Variants in SEPTIN2 observed in about 807,000 individuals in gnomAD.
SEPTIN2 encodes the protein septin 2.
SEPTIN2 carries 34 observed loss-of-function variants against 46.5 expected under a neutral mutation model. That is an observed-to-expected ratio of 0.73 (90% CI 0.56 to 0.97). The LOEUF (loss-of-function observed/expected upper bound fraction) is 0.97. Among genes scored for constraint, SEPTIN2 ranks in the 50% least tolerant of loss-of-function variants. The probability of loss-of-function intolerance (pLI) is 0.00; values close to 1 mark genes in which losing one functional copy is unlikely to be tolerated. For synonymous variants in SEPTIN2, 175 were observed against 153.4 expected, an observed-to-expected ratio of 1.14 and a Z score of -1.04; for missense variants, 347 against 448.4, an observed-to-expected ratio of 0.77 and a Z score of 2.04.
At position 241,348,195 on chromosome 2, in the gene SEPTIN2, A is replaced by G; in HGVS notation, c.984+4A>G. On this transcript the variant is annotated splice_donor_region_variant and intron_variant, in intron 11 of 12. Coordinates refer to ENST00000391971, the MANE Select transcript of SEPTIN2 (RefSeq NM_004404.5). ...CTTGCTGGAAAAAGAAGCTGAGGTAAGTAGGAAAGTACTATTGGTTGGTTG... is the reference window on the plus strand; with the variant it reads ...CTTGCTGGAAAAAGAAGCTGAGGTAGGTAGGAAAGTACTATTGGTTGGTTG... The G allele has an allele frequency of 6.2e-7, 1 of 1,611,490 alleles. No homozygotes were observed. Among genetic ancestry groups the G allele is most frequent in the Non-Finnish European group, 8.5e-7 (1 of 1,178,442 alleles).
intron 7 of SEPTIN2, among the ~76,000 whole-genome samples, chr2:241,341,508 C>G (rs142342700): frequency 6.6e-6 from 1 of 152,118 alleles, no homozygotes; most frequent in Non-Finnish European, 1.5e-5. Flanking sequence ...GGAAAGGGGC[C>G]GTAAGATGAG....
chr2:241,321,512 G>T (rs2077117470), intron 1 of SEPTIN2, among the ~76,000 whole-genome samples: 1 of 151,608 alleles, frequency 6.6e-6, no homozygotes, highest in African/African-American at 2.4e-5. Flanking sequence ...TTTATTTTCA[G>T]CCTCTCTTTG....
At chr2:241,317,026 C>G (rs1228956106) in intron 1 of SEPTIN2, 1 of 153,326 alleles carries the variant, frequency 6.5e-6, no homozygotes, top group Non-Finnish European at 1.5e-5. Flanking sequence ...CGGTTGGTGT[C>G]TAGCACCTAG....
At chr2:241,343,128 C>A (rs748136825) in intron 8 of SEPTIN2, 35 bp downstream of exon 8, 1 of 1,123,136 alleles carries the variant, frequency 8.9e-7, no homozygotes, top group Non-Finnish European at 1.4e-6. Flanking sequence ...ACATAAATAA[C>A]TCCTGTTTAC....
Position 241,322,987 on chromosome 2 carries a change from C to G in SEPTIN2, c.-17-1229C>G, listed in dbSNP as rs570028992. On this transcript the variant is annotated intron_variant, in intron 1 of 12. Transcript: ENST00000391971. The stretch of plus-strand genomic sequence containing the variant: ...TATTATTGAAAATATGGAATATGTG[C>G]GTACATATATATATACAGTTGCTTT... 4.6e-5 allele frequency among the ~76,000 whole-genome samples: 7 copies of G among 151,056 alleles called. No individual in the cohort carries two copies. The East Asian group carries it at 1.4e-3, about 30-fold the overall frequency.
intron 7 of SEPTIN2, among the ~76,000 whole-genome samples, chr2:241,338,594 T>C (rs186002961): frequency 7.5e-6 from 1 of 134,206 alleles, no homozygotes; most frequent in African/African-American, 2.8e-5. Flanking sequence ...TAAAAAAATA[T>C]ATATATATAT....
chr2:241,325,937 C>T (rs1272159400), intron 2 of SEPTIN2, 56 bp from the exon 3 acceptor site: 2 of 1,524,166 alleles, frequency 1.3e-6, no homozygotes, highest in East Asian at 2.3e-5. Flanking sequence ...CTGATTATAT[C>T]TTAAAAGCAA....
chr2:241,348,058 A>G, intron 10 of SEPTIN2, 76 bp from the exon 11 acceptor site: 3 of 1,164,958 alleles, frequency 2.6e-6, no homozygotes, highest in Non-Finnish European at 3.8e-6. Context: ...TTTAAATTTT[A>G]AAGTAGAATT....
chr2:241,328,079 A>G (rs2078299005), intron 3 of SEPTIN2, among the ~76,000 whole-genome samples: 1 of 152,134 alleles, frequency 6.6e-6, no homozygotes, highest in African/African-American at 2.4e-5. Flanking sequence ...AGCCAGAACA[A>G]AGAAATTTAT....
intron 3 of SEPTIN2, among the ~76,000 whole-genome samples, chr2:241,331,068 A>G (rs1262245011): frequency 2.0e-5 from 3 of 152,216 alleles, no homozygotes; most frequent in African/African-American, 7.2e-5. Context: ...AATTTCAGCT[A>G]TGCTGGAGGC....
At chr2:241,339,307 C>T (rs897643750) in intron 7 of SEPTIN2, among the ~76,000 whole-genome samples, 2 of 150,768 alleles carry the variant, frequency 1.3e-5, no homozygotes, top group South Asian at 2.1e-4. Context: ...GCAAAAGAAT[C>T]GCTTCAACCC....
intron 10 of SEPTIN2, 78 bp downstream of exon 10, chr2:241,346,327 A>C: frequency 2.7e-6 from 3 of 1,098,386 alleles, no homozygotes; most frequent in Non-Finnish European, 4.0e-6. Flanking sequence ...TGTTCAGCTC[A>C]GCCTTCTTGA....
chr2:241,339,416 C>A (rs1299309727), intron 7 of SEPTIN2, among the ~76,000 whole-genome samples: 1 of 151,686 alleles, frequency 6.6e-6, no homozygotes, highest in Non-Finnish European at 1.5e-5. Flanking sequence ...ACAGAAAGAA[C>A]AACTGTTAAG....
chr2:241,329,011 ACT>A (rs1216498800), intron 3 of SEPTIN2, among the ~76,000 whole-genome samples: 1 of 152,016 alleles, frequency 6.6e-6, no homozygotes, highest in Non-Finnish European at 1.5e-5. Flanking sequence ...CAAGAGTGAA[ACT>A]CCATCTCTCA....
intron 3 of SEPTIN2, among the ~76,000 whole-genome samples, chr2:241,332,957 G>T (rs1051275566): frequency 6.6e-6 from 1 of 152,202 alleles, no homozygotes; most frequent in African/African-American, 2.4e-5. Flanking sequence ...TGCCTGCGGT[G>T]GGGACTGGAG....
intron 7 of SEPTIN2, among the ~76,000 whole-genome samples, chr2:241,340,324 C>T (rs187184198): frequency 6.6e-6 from 1 of 152,292 alleles, no homozygotes; most frequent in Admixed American, 6.5e-5. Flanking sequence ...TTTTTATTGA[C>T]TTAACACATA....
rs1206206967 is a variant in SEPTIN2 at position 241,353,581 on chromosome 2, G to C, written c.*1644G>C. 1 of 152,238 alleles carries C rather than the reference G, an allele frequency of 6.6e-6. No individual in the cohort carries two copies. The highest frequency in any genetic ancestry group is 2.4e-5 in the African/African-American group (1 of 41,440). The allele number at this position is 152,238 out of a possible 1,614,324, so 9.4% of individuals were successfully genotyped here. A position where few individuals can be genotyped will look rare whatever the true frequency, so the allele number is the denominator to read the frequency against. ...CTTGCTAACTTTGCCCTTCACTGTT[G>C]CTTAATTGTGAACAGCCAAAAGCTA... On this transcript the variant is annotated 3_prime_UTR_variant, in exon 13 of 13. Transcript: ENST00000391971.
intron 9 of SEPTIN2, 25 bp from the exon 10 acceptor site, chr2:241,346,141 T>G: frequency 1.3e-6 from 2 of 1,585,970 alleles, no homozygotes; most frequent in Non-Finnish European, 1.7e-6. Context: ...TGATGCCACC[T>G]TGGTGCATTC....
At chr2:241,338,802 C>CATATTATATTTATATTATATATAATAT (rs2080647502) in intron 7 of SEPTIN2, among the ~76,000 whole-genome samples, 2 of 81,260 alleles carry the variant, frequency 2.5e-5, no homozygotes, top group Non-Finnish European at 4.3e-5. Flanking sequence ...ATATATAATA[C>CATATTATATTTATATTATATATAATAT]ATATTATATT....
Sources: gnomAD v4.1 joint callset for allele counts (sites outside exome capture counted in the v4.1 genomes callset) on GRCh38, gnomAD v4.1.1 for gene constraint, MANE v1.5 for transcripts, NCBI Gene and HGNC (gene_info 2026-07-23, HGNC 2026-07-21) for gene names.